The following BMPER variants were observed in gnomAD, a reference collection of about 807,000 sequenced individuals.
BMPER encodes the protein BMP-binding endothelial regulator protein.
A neutral mutation model predicts 87.3 loss-of-function variants in BMPER; 45 were observed. That is an observed-to-expected ratio of 0.52 (90% CI 0.41 to 0.66). The LOEUF is 0.66. Ranked by LOEUF, BMPER falls within the 30% of genes least tolerant of loss-of-function variation. The pLI is 0.00. For synonymous variants in BMPER, 326 were observed against 316.2 expected (o/e 1.03, Z -0.33); for missense variants, 784 against 867.5 (o/e 0.90, Z 1.21).
chr7:34,055,011 G>T, intron 8 of BMPER, 152 bp from the exon 9 acceptor site: 1 of 1,140,476 alleles, frequency 8.8e-7, no homozygotes. Context: ...ATCACAATTT[G>T]AAGTGAATGA....
chr7:33,936,613 A>G (rs895553277), intron 2 of BMPER, among the ~76,000 whole-genome samples: 1 of 152,208 alleles, frequency 6.6e-6, no homozygotes, highest in Non-Finnish European at 1.5e-5. Context: ...TCATGTTTGT[A>G]TCTTCTTTAA....
At chr7:34,018,567 A>G (rs1787099139) in intron 6 of BMPER, among the ~76,000 whole-genome samples, 1 of 151,960 alleles carries the variant, frequency 6.6e-6, no homozygotes, top group Non-Finnish European at 1.5e-5. Flanking sequence ...CACCAAGACG[A>G]GTCGGCTGTG....
At chr7:34,095,830 G>A (rs759031006) in intron 13 of BMPER, among the ~76,000 whole-genome samples, 5 of 151,730 alleles carry the variant, frequency 3.3e-5, no homozygotes, top group Non-Finnish European at 5.9e-5. Context: ...ATTTTATTCT[G>A]CATGTAGTTT....
chr7:34,012,263 A>G (rs1368001113), intron 6 of BMPER, among the ~76,000 whole-genome samples: 4 of 151,876 alleles, frequency 2.6e-5, no homozygotes, highest in Non-Finnish European at 5.9e-5. Context: ...TCTCATTTAA[A>G]TTGTAGTCTT....
intron 13 of BMPER, among the ~76,000 whole-genome samples, chr7:34,088,670 A>G (rs1477587706): frequency 3.3e-5 from 5 of 152,124 alleles, no homozygotes; most frequent in Non-Finnish European, 7.3e-5. Context: ...ACCTGGCAGG[A>G]TTGCTCCTCT....
At chr7:34,082,491 G>C (rs1027849096) in intron 12 of BMPER, among the ~76,000 whole-genome samples, 10 of 152,116 alleles carry the variant, frequency 6.6e-5, no homozygotes, top group African/African-American at 2.2e-4. Context: ...GCAAAGCCTA[G>C]CATTGGTCTG....
At chr7:34,031,056 G>C (rs1562699171) in intron 6 of BMPER, among the ~76,000 whole-genome samples, 2 of 152,010 alleles carry the variant, frequency 1.3e-5, no homozygotes. Context: ...AGCCAGGCTG[G>C]GAATACGACA....
intron 9 of BMPER, among the ~76,000 whole-genome samples, chr7:34,056,718 A>G (rs1036906826): frequency 1.3e-5 from 2 of 151,720 alleles, no homozygotes; most frequent in Admixed American, 1.3e-4. Flanking sequence ...CCCGGGTTCA[A>G]GTGATTCTCC....
In BMPER at chr7:34,039,702, G is replaced by GTATGTA. The variant is rs201018104; in HGVS notation, c.577-6588_577-6583dup. ...ATCCTACTATAGTGTGTGTATATGTGTATGTATATGTATATGTATATATGT... is the reference window on the plus strand; with the variant it reads ...ATCCTACTATAGTGTGTGTATATGTGTATGTATATGTATATGTATATGTATATATGT... On this transcript the variant is annotated intron_variant, in intron 6 of 14. Transcript: ENST00000649409. 4.3e-3 allele frequency among the ~76,000 whole-genome samples: 654 copies of GTATGTA among 151,978 alleles called. 7 individuals are homozygous for GTATGTA. Among genetic ancestry groups the GTATGTA allele is most frequent in the African/African-American group, 0.014 (588 of 41,408 alleles).
chr7:34,067,163 C>G (rs1324409373), intron 11 of BMPER: 1 of 152,164 alleles, frequency 6.6e-6, no homozygotes, highest in Non-Finnish European at 1.5e-5. Context: ...TGAGAGGAGG[C>G]TCACAGTTGC....
At chr7:33,922,122 C>G (rs1784248141) in intron 2 of BMPER, 1 of 258,450 alleles carries the variant, frequency 3.9e-6, no homozygotes, top group South Asian at 4.0e-5. Context: ...CGACCAGGCT[C>G]TGATTCCCAT....
intron 6 of BMPER, among the ~76,000 whole-genome samples, chr7:33,981,906 A>C (rs982358844): frequency 6.6e-6 from 1 of 152,226 alleles, no homozygotes; most frequent in Admixed American, 6.5e-5. Flanking sequence ...TAAGCCTCAG[A>C]GATCCCCACA....
At chr7:33,965,208 T>C (rs1451645144) in intron 3 of BMPER, among the ~76,000 whole-genome samples, 1 of 152,242 alleles carries the variant, frequency 6.6e-6, no homozygotes. Flanking sequence ...ATTTCCCTAA[T>C]GTGTTTCCAA....
At chr7:33,995,479 G>T (rs1786380830) in intron 6 of BMPER, among the ~76,000 whole-genome samples, 1 of 152,166 alleles carries the variant, frequency 6.6e-6, no homozygotes, top group Non-Finnish European at 1.5e-5. Flanking sequence ...CATGGATGCT[G>T]CTGAATGGGT....
chr7:34,063,419 CTA>C (rs888539480), intron 11 of BMPER, among the ~76,000 whole-genome samples: 1 of 151,062 alleles, frequency 6.6e-6, no homozygotes, highest in African/African-American at 2.4e-5. Context: ...TTATATAAAA[CTA>C]TTAAATATAA....
Position 34,153,138 on chromosome 7 carries a change from A to C in BMPER, c.1923A>C (p.Gly641=). The C allele has an allele frequency of 6.2e-7, 1 of 1,614,008 alleles. No individual in the cohort carries two copies. Among genetic ancestry groups the C allele is most frequent in the Middle Eastern group, 1.6e-4 (1 of 6,062 alleles). Residue 641 remains glycine (G), a synonymous_variant, in exon 15 of 15, where the codon GGA becomes GGC. Coordinates refer to ENST00000649409, the MANE Select transcript of BMPER (RefSeq NM_001365308.1). ...HGAVYDTCGP[G]CIKTCDNWNE... Reference sequence around the variant, plus strand: ...CTGTGTACGATACCTGTGGTCCGGGATGTATCAAGACGTGTGACAACTGGA... The same window carrying C: ...CTGTGTACGATACCTGTGGTCCGGGCTGTATCAAGACGTGTGACAACTGGA...
chr7:34,036,338 C>T (rs1313052419), intron 6 of BMPER, among the ~76,000 whole-genome samples: 1 of 152,142 alleles, frequency 6.6e-6, no homozygotes, highest in Non-Finnish European at 1.5e-5. Context: ...AAACATCCTA[C>T]CAGGGTGGTC....
At chr7:34,071,940 T>C (rs977286282) in intron 11 of BMPER, among the ~76,000 whole-genome samples, 10 of 152,164 alleles carry the variant, frequency 6.6e-5, no homozygotes, top group African/African-American at 2.4e-4. Context: ...TGTCTACACA[T>C]TTCTTCAGAT....
intron 14 of BMPER, among the ~76,000 whole-genome samples, chr7:34,149,265 T>A (rs1459084920): frequency 6.6e-6 from 1 of 152,138 alleles, no homozygotes; most frequent in Non-Finnish European, 1.5e-5. Flanking sequence ...AAATATTTTT[T>A]AAAGGCATAT....
Sources: gnomAD v4.1 joint callset for allele counts (sites outside exome capture counted in the v4.1 genomes callset) on GRCh38, gnomAD v4.1.1 for gene constraint, MANE v1.5 for transcripts, NCBI Gene and HGNC (gene_info 2026-07-23, HGNC 2026-07-21) for gene names.